Variants in NRF1 observed in about 807,000 individuals in gnomAD.
The protein encoded by NRF1 is alpha palindromic-binding protein.
A neutral mutation model predicts 58.5 loss-of-function variants in NRF1; 5 were observed. The observed-to-expected ratio is 0.09, with a 90% CI of 0.04 to 0.18. The LOEUF is 0.18. Ranked by LOEUF, NRF1 falls within the 10% of genes least tolerant of loss-of-function variation. NRF1 has a pLI of 1.00. For synonymous variants in NRF1, 224 were observed against 246.7 expected, an observed-to-expected ratio of 0.91 and a Z score of 0.86; for missense variants, 288 against 657.7, an observed-to-expected ratio of 0.44 and a Z score of 6.15.
chr7:129,658,021 C>A (rs1441153529), intron 2 of NRF1, among the ~76,000 whole-genome samples: 1 of 151,972 alleles, frequency 6.6e-6, no homozygotes, highest in Admixed American at 6.6e-5. Flanking sequence ...TTTATTTTTT[C>A]ATCTATTCTG....
intron 4 of NRF1, among the ~76,000 whole-genome samples, chr7:129,689,051 TA>T (rs1260314948): frequency 6.6e-6 from 1 of 152,154 alleles, no homozygotes; most frequent in Non-Finnish European, 1.5e-5. Context: ...GCAATAAATA[TA>T]ATGGCAATAA....
chr7:129,660,480 A>G (rs1265973143), intron 2 of NRF1, among the ~76,000 whole-genome samples: 1 of 150,944 alleles, frequency 6.6e-6, no homozygotes, highest in African/African-American at 2.5e-5. Flanking sequence ...TCCTAGATAC[A>G]GTGGGGGTAC....
chr7:129,719,859 T>G (rs1015753403), intron 9 of NRF1, among the ~76,000 whole-genome samples: 9 of 152,156 alleles, frequency 5.9e-5, no homozygotes, highest in Non-Finnish European at 1.0e-4. Context: ...CAGGCCCTCA[T>G]TAAAGACCAG....
intron 5 of NRF1, among the ~76,000 whole-genome samples, chr7:129,695,265 T>C (rs1424623851): frequency 6.6e-6 from 1 of 151,308 alleles, no homozygotes; most frequent in African/African-American, 2.4e-5. Context: ...GTATAGAACT[T>C]TGGAGGGATG....
chr7:129,729,170 A>G (rs1803520991), intron 10 of NRF1, among the ~76,000 whole-genome samples: 1 of 152,166 alleles, frequency 6.6e-6, no homozygotes, highest in African/African-American at 2.4e-5. Flanking sequence ...TGTCTGGGAG[A>G]GAACAGACTG....
intron 10 of NRF1, among the ~76,000 whole-genome samples, chr7:129,744,647 G>T (rs1277445016): frequency 1.3e-5 from 2 of 152,152 alleles, no homozygotes; most frequent in African/African-American, 4.8e-5. Context: ...TGATGAAGAT[G>T]AACTTTATTG....
At chr7:129,688,436 A>G (rs1802489826) in intron 4 of NRF1, among the ~76,000 whole-genome samples, 1 of 152,236 alleles carries the variant, frequency 6.6e-6, no homozygotes, top group Non-Finnish European at 1.5e-5. Flanking sequence ...CTGTTTTTCT[A>G]ATATGATCAT....
In NRF1 at chr7:129,657,528, C is replaced by G. The variant is rs141371391; in HGVS notation, c.177C>G (p.Leu59=). The G allele has an allele frequency of 3.2e-5, 52 of 1,613,826 alleles. No homozygotes were observed. The highest frequency in any genetic ancestry group is 4.2e-5 in the Non-Finnish European group (49 of 1,179,972). Residue 59 remains leucine, a synonymous_variant, in exon 2 of 11, where the codon CTC becomes CTG. Coordinates refer to ENST00000393232, the MANE Select transcript of NRF1 (RefSeq NM_005011.5). Reference sequence around the variant, plus strand: ...CCTCTTACGATGACTCAGATATACTCAACTCCACAGCAGCTGATGAGGTGA... The same window carrying G: ...CCTCTTACGATGACTCAGATATACTGAACTCCACAGCAGCTGATGAGGTGA... The part of the protein sequence containing the change: ...EDTSYDDSDI[L]NSTAADEVTA...
At chr7:129,625,675 ATTTTTT>A (rs56694598) in intron 1 of NRF1, among the ~76,000 whole-genome samples, 8,802 of 89,046 alleles carry the variant, frequency 0.099, 321 homozygotes, top group Middle Eastern at 0.19. Flanking sequence ...TAATGTTTTA[ATTTTTT>A]TTTTTTTTTT....
At chr7:129,624,368 AC>A (rs1255084571) in intron 1 of NRF1, among the ~76,000 whole-genome samples, 1 of 152,208 alleles carries the variant, frequency 6.6e-6, no homozygotes, top group Non-Finnish European at 1.5e-5. Context: ...ATTACCAAGC[AC>A]AGTGCCTGAG....
At chr7:129,612,004 A>C (rs938837173) in intron 1 of NRF1, among the ~76,000 whole-genome samples, 180 bp downstream of exon 1, 2 of 149,010 alleles carry the variant, frequency 1.3e-5, no homozygotes, top group African/African-American at 2.4e-5. Context: ...GGCCCAGCCA[A>C]ACCGCCACCC....
chr7:129,619,433 T>TATATATACACACACACAC (rs1554401492), intron 1 of NRF1, among the ~76,000 whole-genome samples: 1 of 65,866 alleles, frequency 1.5e-5, no homozygotes, highest in African/African-American at 8.2e-5. Flanking sequence ...TATATATATA[T>TATATATACACACACACAC]ACACACACAC....
chr7:129,671,367 G>A lies in NRF1; in HGVS notation c.224-62G>A, dbSNP rs1441900288. On this transcript the variant is annotated intron_variant, in intron 2 of 10. Transcript: ENST00000393232. ...TGCTACCTTTTTTGTACCTTTAATT[G>A]TTTCTGTCTTGAACAGTTTACAGGC... is the stretch of plus-strand genomic sequence containing the variant. The A allele has an allele frequency of 5.0e-6, 5 of 1,000,062 alleles. No individual in the cohort carries two copies. The East Asian group carries it at 9.6e-5, about 19-fold the overall frequency. 61.9% of individuals were successfully genotyped at this position (1,000,062 alleles called of 1,614,324 possible).
At chr7:129,712,678 C>T (rs970839733) in intron 8 of NRF1, among the ~76,000 whole-genome samples, 10 of 152,164 alleles carry the variant, frequency 6.6e-5, no homozygotes, top group Non-Finnish European at 1.2e-4. Flanking sequence ...TGAACTCTAG[C>T]CTTCCTGTAA....
chr7:129,701,031 C>T (rs1333663025), intron 5 of NRF1, among the ~76,000 whole-genome samples: 1 of 152,058 alleles, frequency 6.6e-6, no homozygotes, highest in Non-Finnish European at 1.5e-5. Context: ...TTCAGAAATA[C>T]TAAAGAGAAG....
At chr7:129,690,759 C>A (rs911520847) in intron 5 of NRF1, among the ~76,000 whole-genome samples, 2 of 151,980 alleles carry the variant, frequency 1.3e-5, no homozygotes, top group Admixed American at 6.6e-5. Context: ...TCTCCTCTTT[C>A]TTCTGGCAGT....
At chr7:129,617,238 A>G (rs546201735) in intron 1 of NRF1, among the ~76,000 whole-genome samples, 1 of 152,278 alleles carries the variant, frequency 6.6e-6, no homozygotes, top group South Asian at 2.1e-4. Flanking sequence ...TAAAAAGAGC[A>G]TGTATTTTAC....
chr7:129,644,375 T>C (rs1387490040), intron 1 of NRF1, among the ~76,000 whole-genome samples: 1 of 122,618 alleles, frequency 8.2e-6, no homozygotes, highest in Non-Finnish European at 1.7e-5. Context: ...TCTGTCTCTA[T>C]AGTGCTGAAT....
chr7:129,659,162 T>A (rs1016651925), intron 2 of NRF1, among the ~76,000 whole-genome samples: 3 of 145,626 alleles, frequency 2.1e-5, no homozygotes, highest in Admixed American at 7.1e-5. Flanking sequence ...CACTGCAGCT[T>A]CTGCCTCCTG....
Sources: gnomAD v4.1 joint callset for allele counts (sites outside exome capture counted in the v4.1 genomes callset) on GRCh38, gnomAD v4.1.1 for gene constraint, MANE v1.5 for transcripts, NCBI Gene and HGNC (gene_info 2026-07-23, HGNC 2026-07-21) for gene names.